The following APIP variants were observed in gnomAD, a reference collection of about 807,000 sequenced individuals.
The protein encoded by APIP is APAF1 interacting protein.
In APIP, 32 loss-of-function variants were observed where a neutral mutation model predicts 32.0. The observed-to-expected ratio is 1.00, with a 90% CI of 0.76 to 1.34. The LOEUF (loss-of-function observed/expected upper bound fraction) is 1.34, where lower values mean the gene tolerates loss of function less well. Among genes scored for constraint, APIP ranks in the 40% most tolerant of loss-of-function variants. The probability of loss-of-function intolerance (pLI) is 0.00; values close to 1 mark genes in which losing one functional copy is unlikely to be tolerated. For synonymous variants in APIP, 92 were observed against 94.8 expected (o/e 0.97, Z 0.17); for missense variants, 247 against 298.6 (o/e 0.83, Z 1.27).
At position 34,906,575 on chromosome 11, in the gene APIP, C is replaced by T. The variant is rs548523348; in HGVS notation, c.57+9653G>A. On this transcript the variant is annotated intron_variant, in intron 1 of 6. Coordinates refer to ENST00000395787, the MANE Select transcript of APIP (RefSeq NM_015957.4). ...GGCAACTGTAGGTACCATAGAGGCACGACAGCAATCTACAGACTCTTTCAC... is the reference window on the plus strand; with the variant it reads ...GGCAACTGTAGGTACCATAGAGGCATGACAGCAATCTACAGACTCTTTCAC... 1.2e-4 allele frequency among the ~76,000 whole-genome samples: 19 copies of T among 152,254 alleles called. No homozygotes were observed. The East Asian group carries it at 3.5e-3, about 28-fold the overall frequency.
intron 1 of APIP, among the ~76,000 whole-genome samples, chr11:34,898,786 G>T (rs12294387): frequency 0.091 from 4,995 of 55,190 alleles, 475 homozygotes; most frequent in African/African-American, 0.21. Flanking sequence ...TCTTTCTTTG[G>T]TTTTTTTTTT....
chr11:34,888,787 C>G lies in APIP; in HGVS notation c.290G>C (p.Cys97Ser). The G allele has an allele frequency of 6.6e-7, 1 of 1,520,818 alleles. No individual in the cohort carries two copies. The highest frequency in any genetic ancestry group is 8.7e-7 in the Non-Finnish European group (1 of 1,148,534). 94.2% of individuals were successfully genotyped at this position (1,520,818 alleles called of 1,614,324 possible). A position where few individuals can be genotyped will look rare whatever the true frequency, so the allele number is the denominator to read the frequency against. The stretch of plus-strand genomic sequence containing the variant: ...GTAAGCATTCATGAAAAGAGGAGTA[C>G]ACTGGCTTTTTTTTAGCTTCTTCGA... ...SPSKKLKKSQCTPLFMNAYTM... is the reference protein window; with the variant it reads ...SPSKKLKKSQSTPLFMNAYTM... Residue 97 changes from cysteine (C) to serine (S), a missense_variant, in exon 4 of 7, where the codon TGT becomes TCT. Coordinates refer to ENST00000395787, the MANE Select transcript of APIP (RefSeq NM_015957.4).
intron 1 of APIP, among the ~76,000 whole-genome samples, chr11:34,912,323 A>G (rs1326774487): frequency 6.6e-6 from 1 of 152,206 alleles, no homozygotes. Flanking sequence ...ATGTGTTCAG[A>G]AAAGAGTGTC....
chr11:34,916,221 C>A lies in APIP; in HGVS notation c.57+7G>T, dbSNP rs1387462545. On this transcript the variant is annotated splice_region_variant and intron_variant, in intron 1 of 6. Transcript: ENST00000395787. Reference sequence around the variant, plus strand: ...GGAATACCGGGCACCGGTGGCCCCGCCCCTACCTGCGCGCCGCATCTCCGG... The same window carrying A: ...GGAATACCGGGCACCGGTGGCCCCGACCCTACCTGCGCGCCGCATCTCCGG... The A allele has an allele frequency of 6.2e-7, 1 of 1,610,300 alleles. No homozygotes were observed. The highest frequency in any genetic ancestry group is 1.1e-5 in the South Asian group (1 of 90,626).
At chr11:34,903,562 T>C (rs1204992051) in intron 1 of APIP, among the ~76,000 whole-genome samples, 1 of 152,238 alleles carries the variant, frequency 6.6e-6, no homozygotes, top group Non-Finnish European at 1.5e-5. Flanking sequence ...AATTAACAGG[T>C]TATTATCCTC....
chr11:34,884,300 T>A (rs2956088), intron 5 of APIP, among the ~76,000 whole-genome samples: 91,400 of 152,116 alleles, frequency 0.6, 28,496 homozygotes, highest in East Asian at 0.74. Flanking sequence ...TAAAGTATTC[T>A]GCAATTGCTA....
intron 1 of APIP, among the ~76,000 whole-genome samples, chr11:34,912,226 C>T (rs1441489375): frequency 2.6e-5 from 4 of 152,062 alleles, no homozygotes; most frequent in Admixed American, 2.6e-4. Context: ...AAACATAAGT[C>T]ACTTGGGGAT....
intron 1 of APIP, among the ~76,000 whole-genome samples, chr11:34,907,033 A>G (rs1230630828): frequency 6.6e-6 from 1 of 152,148 alleles, no homozygotes; most frequent in Non-Finnish European, 1.5e-5. Flanking sequence ...GAGGAGCCCT[A>G]GCTGTTGTTC....
chr11:34,888,099 G>T (rs1407462490), intron 5 of APIP, among the ~76,000 whole-genome samples, 194 bp downstream of exon 5: 1 of 152,036 alleles, frequency 6.6e-6, no homozygotes, highest in African/African-American at 2.4e-5. Context: ...CATGGCTGGG[G>T]TAGGGGCGGG....
Position 34,916,273 on chromosome 11 carries a change from A to G in APIP, c.12T>C (p.Cys4=). The G allele has an allele frequency of 1.9e-6, 3 of 1,612,478 alleles. No individual in the cohort carries two copies. Among genetic ancestry groups the G allele is most frequent in the Non-Finnish European group, 1.7e-6 (2 of 1,179,502 alleles). Residue 4 remains cysteine, a synonymous_variant, in exon 1 of 7, where the codon TGT becomes TGC. Coordinates refer to ENST00000395787, the MANE Select transcript of APIP (RefSeq NM_015957.4). ...AACAACAGTCTCCCTCCCGAGCATCACAGCCAGACATGGCCCAGACCAGGG... is the reference window on the plus strand; with the variant it reads ...AACAACAGTCTCCCTCCCGAGCATCGCAGCCAGACATGGCCCAGACCAGGG... The part of the protein sequence containing the change: MSG[C]DAREGDCCSR...
At position 34,882,783 on chromosome 11, in the gene APIP, G is replaced by A. The variant is rs772756556; in HGVS notation, c.663C>T (p.Ala221=). ...CAAGTCCTACTTTCTTCATTGATAC[G>A]GCAATATCAAATAAATAGTCATAAC... ...CECYDYLFDI[A]VSMKKVGLDP... The change falls in exon 7 of 7, where the codon GCC becomes GCT. Residue 221 remains alanine, a synonymous_variant. Coordinates refer to ENST00000395787, the MANE Select transcript of APIP (RefSeq NM_015957.4). 6.2e-6 allele frequency: 10 copies of A among 1,608,382 alleles called. No individual in the cohort carries two copies. Among genetic ancestry groups the A allele is most frequent in the Admixed American group, 5.0e-5 (3 of 59,634 alleles).
In APIP at chr11:34,882,732, T is replaced by C; in HGVS notation, c.714A>G (p.Glu238=). Residue 238 remains glutamate (E), a synonymous_variant, in exon 7 of 7, where the codon GAA becomes GAG. Transcript: ENST00000395787. The part of the protein sequence containing the change: ...GLDPSQLPVG[E]NGIV The stretch of plus-strand genomic sequence containing the variant: ...TTCTTTTGGCTTAGACAATTCCATT[T>C]TCTCCAACTGGGAGCTGTGAAGGAT... The C allele has an allele frequency of 1.3e-6, 2 of 1,594,004 alleles. No individual in the cohort carries two copies. The highest frequency in any genetic ancestry group is 1.7e-6 in the Non-Finnish European group (2 of 1,164,444).
At chr11:34,907,397 T>C (rs546171090) in intron 1 of APIP, among the ~76,000 whole-genome samples, 1 of 152,332 alleles carries the variant, frequency 6.6e-6, no homozygotes, top group Admixed American at 6.5e-5. Flanking sequence ...CCTTTCTCTT[T>C]TGTCTTTTCC....
At chr11:34,900,134 C>A (rs761738829) in intron 1 of APIP, among the ~76,000 whole-genome samples, 2 of 152,158 alleles carry the variant, frequency 1.3e-5, no homozygotes, top group Non-Finnish European at 2.9e-5. Flanking sequence ...GACAGAAGGG[C>A]AAATGGACTG....
chr11:34,906,332 T>C (rs1028194607), intron 1 of APIP, among the ~76,000 whole-genome samples: 2 of 152,174 alleles, frequency 1.3e-5, no homozygotes, highest in Non-Finnish European at 2.9e-5. Context: ...GACTACACTA[T>C]CTTGAATACA....
intron 1 of APIP, among the ~76,000 whole-genome samples, chr11:34,895,320 C>T (rs1051612190): frequency 2.0e-5 from 3 of 152,086 alleles, no homozygotes; most frequent in African/African-American, 4.8e-5. Context: ...TGGGAGTATT[C>T]GGTATAGGGC....
intron 1 of APIP, among the ~76,000 whole-genome samples, chr11:34,903,434 G>C (rs921782300): frequency 3.9e-5 from 6 of 152,230 alleles, no homozygotes; most frequent in African/African-American, 1.2e-4. Context: ...AAAGGAAAGA[G>C]AGCTAACATT....
At chr11:34,902,996 C>T (rs950480609) in intron 1 of APIP, among the ~76,000 whole-genome samples, 1 of 152,032 alleles carries the variant, frequency 6.6e-6, no homozygotes, top group African/African-American at 2.4e-5. Flanking sequence ...GTTTATAATC[C>T]TGGGAAATGA....
At chr11:34,897,862 C>G (rs1387095978) in intron 1 of APIP, among the ~76,000 whole-genome samples, 1 of 152,036 alleles carries the variant, frequency 6.6e-6, no homozygotes, top group African/African-American at 2.4e-5. Context: ...CTGGTCAAAC[C>G]AATCCCCTGG....
Sources: allele counts gnomAD v4.1 joint callset (sites outside exome capture counted in the v4.1 genomes callset), GRCh38; gene constraint gnomAD v4.1.1; transcripts MANE v1.5; gene names NCBI Gene and HGNC (gene_info 2026-07-23, HGNC 2026-07-21).